Variants in TJP1 observed in about 807,000 individuals in gnomAD.
TJP1 encodes tight junction protein 1.
Under a neutral mutation model 194.2 loss-of-function variants are expected in TJP1, and 43 were observed. The observed-to-expected ratio is 0.22, with a 90% CI of 0.17 to 0.29. The LOEUF (loss-of-function observed/expected upper bound fraction) is 0.29, where lower values mean the gene tolerates loss of function less well. TJP1 is among the 10% of genes least tolerant of loss of function. The pLI is 1.00. For missense variants in TJP1, 1,971 were observed against 2,185.7 expected (o/e 0.90, Z 1.96); for synonymous variants, 801 against 779.0 (o/e 1.03, Z -0.47).
At chr15:29,935,211 C>T (rs1296079473) in intron 2 of TJP1, among the ~76,000 whole-genome samples, 1 of 152,222 alleles carries the variant, frequency 6.6e-6, no homozygotes, top group Admixed American at 6.5e-5. Flanking sequence ...TCAGTTCAAA[C>T]TGCCTCCACA....
At chr15:29,877,795 ATT>A (rs2052765070) in intron 2 of TJP1, among the ~76,000 whole-genome samples, 4 of 151,014 alleles carry the variant, frequency 2.6e-5, no homozygotes, top group Non-Finnish European at 5.9e-5. Context: ...AGTAGCTGGG[ATT>A]ACTGGGATTA....
intron 2 of TJP1, among the ~76,000 whole-genome samples, chr15:29,869,202 C>G (rs1294344910): frequency 6.6e-6 from 1 of 152,158 alleles, no homozygotes; most frequent in Non-Finnish European, 1.5e-5. Context: ...CGAGGGTGAA[C>G]AGCGAATGTG....
intron 2 of TJP1, among the ~76,000 whole-genome samples, chr15:29,835,715 G>A (rs2051003764): frequency 6.6e-6 from 1 of 151,794 alleles, no homozygotes; most frequent in South Asian, 2.1e-4. Context: ...AGTCAACTAA[G>A]AAATGTGATA....
intron 2 of TJP1, among the ~76,000 whole-genome samples, chr15:29,927,015 A>G (rs1454432695): frequency 6.6e-6 from 1 of 152,224 alleles, no homozygotes; most frequent in Non-Finnish European, 1.5e-5. Context: ...ATTTGAAATT[A>G]TTAAAGACCC....
intron 1 of TJP1, among the ~76,000 whole-genome samples, chr15:29,801,054 A>G (rs1173001629): frequency 6.6e-6 from 1 of 152,260 alleles, no homozygotes; most frequent in Admixed American, 6.5e-5. Context: ...TAAACATTTA[A>G]AAGCATCTCT....
At chr15:29,809,381 T>C (rs1417407222) in intron 1 of TJP1, among the ~76,000 whole-genome samples, 1 of 152,134 alleles carries the variant, frequency 6.6e-6, no homozygotes, top group Non-Finnish European at 1.5e-5. Flanking sequence ...ATACCAAAAT[T>C]CATACTGTTA....
At chr15:29,897,404 G>A (rs1440250552) in intron 2 of TJP1, among the ~76,000 whole-genome samples, 1 of 152,246 alleles carries the variant, frequency 6.6e-6, no homozygotes, top group East Asian at 1.9e-4. Flanking sequence ...TGTCCAGGCA[G>A]AAGTTTGCTG....
intron 8 of TJP1, among the ~76,000 whole-genome samples, chr15:29,756,731 A>T (rs1341433194): frequency 6.6e-6 from 1 of 152,204 alleles, no homozygotes; most frequent in Admixed American, 6.5e-5. Context: ...TTAAGTAGTA[A>T]TTAAGCTATG....
intron 27 of TJP1, 101 bp downstream of exon 27, chr15:29,704,061 A>T: frequency 7.8e-7 from 1 of 1,283,546 alleles, no homozygotes; most frequent in Non-Finnish European, 1.1e-6. Flanking sequence ...AGGAACAGAG[A>T]TAGAGATTTG....
At position 29,861,201 on chromosome 15, in the gene TJP1, T is replaced by A. The variant is rs118157730; in HGVS notation, c.307-60499A>T. ...ACAACTCTTATGTTTAACATAGACCTGCAAACTGCTCAGGAACTGCAAATT... is the reference window on the plus strand; with the variant it reads ...ACAACTCTTATGTTTAACATAGACCAGCAAACTGCTCAGGAACTGCAAATT... On this transcript the variant is annotated intron_variant, in intron 2 of 28. Transcript: ENST00000356107. 2.8e-3 allele frequency among the ~76,000 whole-genome samples: 432 copies of A among 152,286 alleles called. 1 individual carries two copies. Among genetic ancestry groups the A allele is most frequent in the Non-Finnish European group, 4.8e-3 (324 of 68,022 alleles).
At chr15:29,735,493 G>C (rs1208314141) in intron 11 of TJP1, among the ~76,000 whole-genome samples, 3 of 151,576 alleles carry the variant, frequency 2.0e-5, no homozygotes, top group Non-Finnish European at 4.4e-5. Context: ...GGAGGCTGAG[G>C]GGAAGAATGT....
chr15:29,949,940 TCCACAACC>T (rs1596313172), intron 2 of TJP1, among the ~76,000 whole-genome samples: 1 of 8,452 alleles, frequency 1.2e-4, no homozygotes, highest in African/African-American at 1.3e-3. Flanking sequence ...CACCACCACC[TCCACAACC>T]ACCACCACCA....
intron 2 of TJP1, among the ~76,000 whole-genome samples, chr15:29,851,670 A>G (rs1085233): frequency 0.38 from 57,932 of 152,110 alleles, 11,764 homozygotes; most frequent in African/African-American, 0.52. Context: ...AATAAAATGG[A>G]AGAAATCAGT....
intron 8 of TJP1, among the ~76,000 whole-genome samples, chr15:29,752,867 T>C (rs2045379115): frequency 6.6e-6 from 1 of 152,240 alleles, no homozygotes; most frequent in Non-Finnish European, 1.5e-5. Context: ...GCTCTTATGA[T>C]GTAGCCACAT....
At chr15:29,727,103 G>A (rs1395687095) in intron 16 of TJP1, 112 bp from the exon 17 acceptor site, 1 of 917,398 alleles carries the variant, frequency 1.1e-6, no homozygotes, top group African/African-American at 1.7e-5. Context: ...TAGCACTTTG[G>A]GAGGTCGAGG....
intron 2 of TJP1, among the ~76,000 whole-genome samples, chr15:29,901,266 G>A (rs939998781): frequency 6.6e-5 from 10 of 152,160 alleles, no homozygotes; most frequent in African/African-American, 1.7e-4. Flanking sequence ...ATCGCAATGT[G>A]TACACAGTTT....
chr15:29,708,618 T>C lies in TJP1; in HGVS notation c.4791A>G (p.Ala1597=). Residue 1597 remains alanine, a synonymous_variant, in exon 25 of 28, where the codon GCA becomes GCG. Transcript: ENST00000614355. The part of the protein sequence containing the change: ...DSGVETFSIH[A]EKPKYQINNI... ...TATTTATTTGATATTTAGGCTTCTC[T>C]GCATGGATAGAGAAAGTTTCAACTC... 1.9e-6 allele frequency: 3 copies of C among 1,614,206 alleles called. No homozygotes were observed. Among genetic ancestry groups the C allele is most frequent in the Non-Finnish European group, 2.5e-6 (3 of 1,180,012 alleles).
At chr15:29,717,900 A>T in intron 22 of TJP1, 121 bp downstream of exon 22, 2 of 763,122 alleles carry the variant, frequency 2.6e-6, no homozygotes, top group Non-Finnish European at 4.2e-6. Context: ...GTTTTTATTT[A>T]AGGACAAACT....
intron 2 of TJP1, among the ~76,000 whole-genome samples, chr15:29,921,047 G>A (rs2054341443): frequency 1.3e-5 from 2 of 152,178 alleles, no homozygotes; most frequent in African/African-American, 2.4e-5. Flanking sequence ...TTGGATATAT[G>A]AGCGTTCCCT....
Sources: allele counts gnomAD v4.1 joint callset (sites outside exome capture counted in the v4.1 genomes callset), GRCh38; gene constraint gnomAD v4.1.1; transcripts MANE v1.5; gene names NCBI Gene and HGNC (gene_info 2026-07-23, HGNC 2026-07-21).